CC2D1A: variants seen among roughly 807,000 people sequenced by gnomAD.
CC2D1A encodes coiled-coil and C2 domain containing 1A, also known as coiled-coil and C2 domain-containing protein 1A.
Under a neutral mutation model 123.8 loss-of-function variants are expected in CC2D1A, and 68 were observed. That is an observed-to-expected ratio of 0.55 (90% CI 0.45 to 0.67). The LOEUF (loss-of-function observed/expected upper bound fraction) is 0.67, where lower values mean the gene tolerates loss of function less well. Ranked by LOEUF, CC2D1A falls within the 30% of genes least tolerant of loss-of-function variation. CC2D1A has a pLI of 0.00. For synonymous variants in CC2D1A, 477 were observed against 528.0 expected (o/e 0.90, Z 1.32); for missense variants, 1,185 against 1,290.3 (o/e 0.92, Z 1.25).
At position 13,919,819 on chromosome 19, in the gene CC2D1A, C is replaced by A; in HGVS notation, c.1224C>A (p.Gly408=). The A allele has an allele frequency of 1.9e-6, 3 of 1,597,088 alleles. No homozygotes were observed. Among genetic ancestry groups the A allele is most frequent in the African/African-American group, 2.7e-5 (2 of 74,504 alleles). Residue 408 remains glycine, a splice_region_variant and synonymous_variant, in exon 12 of 29, where the codon GGC becomes GGA. Coordinates refer to ENST00000318003, the MANE Select transcript of CC2D1A (RefSeq NM_017721.5). ...ACCAGGCCTCGACTGGCCACCCAGGCTTCCCCCCAATCCAGGGCCTGGAGG... is the reference window on the plus strand; with the variant it reads ...ACCAGGCCTCGACTGGCCACCCAGGATTCCCCCCAATCCAGGGCCTGGAGG... The part of the protein sequence containing the change: ...VDVAELPVPP[G]FPPIQGLEAT...
intron 24 of CC2D1A, 35 bp downstream of exon 24, chr19:13,928,223 A>G (rs2145373548): frequency 6.3e-7 from 1 of 1,582,100 alleles, no homozygotes; most frequent in East Asian, 2.2e-5. Context: ...TGGAGAAAAC[A>G]CCCAATTCCC....
At chr19:13,908,890 C>A (rs1409996892) in intron 1 of CC2D1A, among the ~76,000 whole-genome samples, 1 of 151,858 alleles carries the variant, frequency 6.6e-6, no homozygotes, top group Non-Finnish European at 1.5e-5. Flanking sequence ...TTCCTTCCCT[C>A]CTTCCTCCCT....
intron 1 of CC2D1A, 116 bp from the exon 2 acceptor site, chr19:13,909,707 T>C: frequency 1.5e-6 from 2 of 1,352,884 alleles, no homozygotes; most frequent in South Asian, 1.2e-5. Flanking sequence ...CCCAGGGAAA[T>C]GGCTTTCCCT....
chr19:13,916,447 C>T (rs943047919), intron 6 of CC2D1A, among the ~76,000 whole-genome samples: 1 of 151,946 alleles, frequency 6.6e-6, no homozygotes, highest in African/African-American at 2.4e-5. Context: ...GCCTGTAGTC[C>T]CAGCTACTTG....
chr19:13,912,944 C>T (rs75614077), intron 4 of CC2D1A, among the ~76,000 whole-genome samples: 2 of 152,316 alleles, frequency 1.3e-5, no homozygotes, highest in East Asian at 3.9e-4. Context: ...CCGCGCCTGG[C>T]CCACCCTTAT....
At position 13,930,476 on chromosome 19, in the gene CC2D1A, ACAAG is replaced by A. The variant is rs1406033718; in HGVS notation, c.*84_*87del. On this transcript the variant is annotated 3_prime_UTR_variant, in exon 29 of 29. Transcript: ENST00000318003. The surrounding 1 kb of genome is among the most constrained non-coding windows in gnomAD (Gnocchi z 6.8). ...AAGAGCCGACACAGCCACGAACCAG[ACAAG>A]CAGACAATCAGCGGACAATCGGTTC... 7.0e-7 allele frequency: 1 copy of A among 1,434,262 alleles called. No individual in the cohort carries two copies. Among genetic ancestry groups the A allele is most frequent in the Non-Finnish European group, 9.3e-7 (1 of 1,072,854 alleles). 88.8% of individuals were successfully genotyped at this position (1,434,262 alleles called of 1,614,324 possible).
chr19:13,910,206 G>T (rs577657306), intron 2 of CC2D1A, among the ~76,000 whole-genome samples: 2 of 150,628 alleles, frequency 1.3e-5, no homozygotes, highest in Non-Finnish European at 3.0e-5. Flanking sequence ...AGACCATCCC[G>T]GCTAACACGG....
At position 13,923,150 on chromosome 19, in the gene CC2D1A, G is replaced by A. The variant is rs1257227925; in HGVS notation, c.1642-183G>A. Among the ~76,000 whole-genome samples, 5 of 151,150 alleles carry A rather than the reference G, an allele frequency of 3.3e-5. No individual in the cohort carries two copies. On this transcript the variant is annotated intron_variant, in intron 14 of 28. Transcript: ENST00000318003. This position sits in a 1 kb window ranked among gnomAD's most constrained non-coding sequence, Gnocchi z 5.3. ...GGAAGTTGCAGTGAGCTGAGATCCC[G>A]CCATTGCACTCCAGCCTGGGCAACA...
Position 13,926,058 on chromosome 19 carries a change from GTA to G in CC2D1A, c.1941-452_1941-451del, listed in dbSNP as rs201590156. ...TATATATATATACACGTATATATAT[GTA>G]TATATACACACACACACACACACAC... is the stretch of plus-strand genomic sequence containing the variant. On this transcript the variant is annotated intron_variant, in intron 17 of 28. Transcript: ENST00000318003. 8.1e-3 allele frequency among the ~76,000 whole-genome samples: 804 copies of G among 98,968 alleles called. 37 individuals carry two copies. The highest frequency in any genetic ancestry group is 0.037 in the African/African-American group (769 of 20,792). 64.9% of individuals were successfully genotyped at this position (98,968 alleles called of 152,430 possible). A position where few individuals can be genotyped will look rare whatever the true frequency, so the allele number is the denominator to read the frequency against.
chr19:13,912,102 C>T (rs1013143236), intron 2 of CC2D1A, among the ~76,000 whole-genome samples: 2 of 152,152 alleles, frequency 1.3e-5, no homozygotes, highest in East Asian at 1.9e-4. Context: ...CCTTCTGCCT[C>T]GGCCTCCCAA....
intron 2 of CC2D1A, 126 bp downstream of exon 2, chr19:13,910,084 TGATCTGGGTAAGA>T: frequency 1.1e-6 from 1 of 932,980 alleles, no homozygotes; most frequent in South Asian, 2.4e-5. Context: ...CTGGAGCCAA[TGATCTGGGTAAGA>T]GAGTCAAGAT....
rs1345513869 is a variant in CC2D1A at position 13,912,512 on chromosome 19, CTG to C, written c.313-10_313-9del. On this transcript the variant is annotated splice_polypyrimidine_tract_variant and intron_variant, in intron 3 of 28. Transcript: ENST00000318003. ...AGCAGGCCCTTATATCCTGCCCTGG[CTG>C]TGTGTCCCTGCAGGCGGAGCTAAAT... 6.2e-7 allele frequency: 1 copy of C among 1,613,988 alleles called. No individual in the cohort carries two copies. Among genetic ancestry groups the C allele is most frequent in the Non-Finnish European group, 8.5e-7 (1 of 1,180,030 alleles).
In CC2D1A at chr19:13,911,962, G is replaced by A. The variant is rs927745727; in HGVS notation, c.197-361G>A. Among the ~76,000 whole-genome samples the A allele has an allele frequency of 7.9e-5, 12 of 152,176 alleles. 1 individual carries two copies. The South Asian group carries it at 1.9e-3, about 24-fold the overall frequency. On this transcript the variant is annotated intron_variant, in intron 2 of 28. Coordinates refer to ENST00000318003, the MANE Select transcript of CC2D1A (RefSeq NM_017721.5). The stretch of plus-strand genomic sequence containing the variant: ...GATCTCCTGACCTTGTGATCCACCC[G>A]CCTCGGCCTCCCAAAGTGCTGGGGT...
intron 6 of CC2D1A, among the ~76,000 whole-genome samples, chr19:13,914,633 C>A (rs886887359): frequency 1.3e-5 from 2 of 149,464 alleles, no homozygotes; most frequent in African/African-American, 4.9e-5. Flanking sequence ...CACGCCAGGC[C>A]TCATCGCCTT....
intron 17 of CC2D1A, among the ~76,000 whole-genome samples, chr19:13,924,556 G>T (rs1255252916): frequency 6.6e-6 from 1 of 150,946 alleles, no homozygotes; most frequent in Non-Finnish European, 1.5e-5. Flanking sequence ...TTCAACCTCT[G>T]CCTCCCAGGT....
In CC2D1A at chr19:13,923,227, C is replaced by T; in HGVS notation, c.1642-106C>T. On this transcript the variant is annotated intron_variant, in intron 14 of 28. Transcript: ENST00000318003. The surrounding 1 kb of genome is among the most constrained non-coding windows in gnomAD (Gnocchi z 5.3). ...AAAAGACCAGAGAAGGGTGACAGAG[C>T]CGTGGTCAGGGAATGCCCCTCGTCA... The T allele has an allele frequency of 1.5e-6, 2 of 1,354,508 alleles. No homozygotes were observed. The highest frequency in any genetic ancestry group is 2.3e-5 in the Admixed American group (1 of 43,876). The allele number at this position is 1,354,508 out of a possible 1,614,324, so 83.9% of individuals were successfully genotyped here.
chr19:13,930,448 G>T lies in CC2D1A; in HGVS notation c.*53G>T. On this transcript the variant is annotated 3_prime_UTR_variant, in exon 29 of 29. Coordinates refer to ENST00000318003, the MANE Select transcript of CC2D1A (RefSeq NM_017721.5). This position sits in a 1 kb window ranked among gnomAD's most constrained non-coding sequence, Gnocchi z 6.8. ...AAAGCGGGCAGCAGGCCCCGATACC[G>T]GGAAGAGCCGACACAGCCACGAACC... 2 of 1,534,838 alleles carry T rather than the reference G, an allele frequency of 1.3e-6. No individual in the cohort carries two copies. Among genetic ancestry groups the T allele is most frequent in the East Asian group, 2.3e-5 (1 of 43,140 alleles).
chr19:13,910,180 T>C (rs949577882), intron 2 of CC2D1A, among the ~76,000 whole-genome samples: 20 of 146,966 alleles, frequency 1.4e-4, no homozygotes, highest in Admixed American at 1.0e-3. Flanking sequence ...AGGCAGATCA[T>C]GAGGTCAGGA....
intron 22 of CC2D1A, 65 bp downstream of exon 22, chr19:13,927,330 C>A: frequency 1.5e-6 from 2 of 1,366,876 alleles, no homozygotes; most frequent in Non-Finnish European, 2.1e-6. Context: ...ATTATTAAAA[C>A]ACTTCCTGCC....
Sources: allele counts gnomAD v4.1 joint callset (sites outside exome capture counted in the v4.1 genomes callset), GRCh38; gene constraint gnomAD v4.1.1; non-coding constraint Gnocchi (gnomAD v3.1); transcripts MANE v1.5; gene names NCBI Gene and HGNC (gene_info 2026-07-23, HGNC 2026-07-21).